Variants in COL21A1 observed in about 807,000 individuals in gnomAD.
COL21A1 encodes the protein collagen alpha-1(XXI) chain.
Under a neutral mutation model 137.9 loss-of-function variants are expected in COL21A1, and 149 were observed. That is an observed-to-expected ratio of 1.08 (90% CI 0.95 to 1.24). COL21A1 has a LOEUF of 1.24. COL21A1 is among the 50% of genes most tolerant of loss of function. The pLI, the probability that COL21A1 is intolerant of heterozygous loss-of-function variation, is 0.00. For missense variants in COL21A1, 1,167 were observed against 1,158.4 expected (o/e 1.01, Z -0.11); for synonymous variants, 456 against 391.5 (o/e 1.16, Z -1.95).
At chr6:56,339,052 C>A (rs1490719669) in intron 1 of COL21A1, among the ~76,000 whole-genome samples, 2 of 152,214 alleles carry the variant, frequency 1.3e-5, no homozygotes, top group Non-Finnish European at 2.9e-5. Flanking sequence ...TGAAGCATAG[C>A]ATATTACATA....
At chr6:56,381,319 G>T (rs902739753) in intron 1 of COL21A1, among the ~76,000 whole-genome samples, 3 of 152,098 alleles carry the variant, frequency 2.0e-5, no homozygotes, top group African/African-American at 7.2e-5. Context: ...ATGAATGAGT[G>T]GAATAGACAC....
chr6:56,104,896 T>C (rs964842556), intron 16 of COL21A1, among the ~76,000 whole-genome samples: 1 of 152,236 alleles, frequency 6.6e-6, no homozygotes, highest in Non-Finnish European at 1.5e-5. Flanking sequence ...AGTTTGCTTA[T>C]AGCAATCCTC....
intron 1 of COL21A1, among the ~76,000 whole-genome samples, chr6:56,208,799 A>G (rs930480457): frequency 1.3e-5 from 2 of 152,208 alleles, no homozygotes; most frequent in Non-Finnish European, 2.9e-5. Flanking sequence ...AGTAATCAAA[A>G]CATTATGGTA....
At chr6:56,325,841 T>TATAATATATATTATATGTTATAC (rs1405373038) in intron 1 of COL21A1, among the ~76,000 whole-genome samples, 1 of 922 alleles carries the variant, frequency 1.1e-3, no homozygotes, top group African/African-American at 1.1e-3. Flanking sequence ...ATACATATTA[T>TATAATATATATTATATGTTATAC]ATATAATATA....
intron 1 of COL21A1, among the ~76,000 whole-genome samples, chr6:56,375,235 A>C (rs893985424): frequency 1.3e-5 from 2 of 152,162 alleles, no homozygotes; most frequent in African/African-American, 4.8e-5. Context: ...CTGAGTCCCC[A>C]CAGGAGTCTG....
At chr6:56,082,867 C>A (rs1361227666) in intron 17 of COL21A1, among the ~76,000 whole-genome samples, 2 of 151,774 alleles carry the variant, frequency 1.3e-5, no homozygotes, top group African/African-American at 4.8e-5. Flanking sequence ...TTTATAACCT[C>A]ATATTTTTGA....
chr6:56,089,291 C>T (rs12194192), intron 17 of COL21A1, among the ~76,000 whole-genome samples: 23,122 of 152,050 alleles, frequency 0.15, 1,791 homozygotes, highest in Middle Eastern at 0.22. Context: ...AATATTGCAT[C>T]TTTACATTTG....
chr6:56,302,847 G>A (rs1338521094), intron 1 of COL21A1, among the ~76,000 whole-genome samples: 2 of 152,034 alleles, frequency 1.3e-5, no homozygotes, highest in Non-Finnish European at 2.9e-5. Flanking sequence ...TTCTTCTAGG[G>A]TTTTTATGGA....
At chr6:56,095,667 T>G (rs888922818) in intron 17 of COL21A1, among the ~76,000 whole-genome samples, 1 of 152,164 alleles carries the variant, frequency 6.6e-6, no homozygotes, top group Non-Finnish European at 1.5e-5. Flanking sequence ...GTATGCTTTC[T>G]TCTGCCTCTA....
chr6:56,351,669 C>A (rs1765713908), intron 1 of COL21A1, among the ~76,000 whole-genome samples: 1 of 152,216 alleles, frequency 6.6e-6, no homozygotes, highest in African/African-American at 2.4e-5. Context: ...ATTCCATGCT[C>A]ACATCCCAAA....
At chr6:56,356,238 C>T (rs939595830) in intron 1 of COL21A1, among the ~76,000 whole-genome samples, 3 of 152,126 alleles carry the variant, frequency 2.0e-5, no homozygotes, top group Non-Finnish European at 4.4e-5. Context: ...AGAAGAGATG[C>T]TATTTTGTAG....
rs893667507 is a variant in COL21A1, at chr6:56,182,644, G to A, written c.-26C>T. On this transcript the variant is annotated 5_prime_UTR_variant, in exon 2 of 30. Coordinates refer to ENST00000244728, the MANE Select transcript of COL21A1 (RefSeq NM_030820.4). Reference sequence around the variant, plus strand: ...GTTTCTGTTTTCGTTCTAATATTTTGGTTTTAGGATTCCTAGGGGGAAAAA... The same window carrying A: ...GTTTCTGTTTTCGTTCTAATATTTTAGTTTTAGGATTCCTAGGGGGAAAAA... 6.6e-7 allele frequency: 1 copy of A among 1,524,518 alleles called. No homozygotes were observed. The highest frequency in any genetic ancestry group is 9.0e-7 in the Non-Finnish European group (1 of 1,113,572). 94.4% of individuals were successfully genotyped at this position (1,524,518 alleles called of 1,614,324 possible).
At chr6:56,208,742 G>C (rs1779961875) in intron 1 of COL21A1, among the ~76,000 whole-genome samples, 1 of 152,142 alleles carries the variant, frequency 6.6e-6, no homozygotes, top group African/African-American at 2.4e-5. Flanking sequence ...AAAGAACAAA[G>C]CTGGAGGCAT....
chr6:56,335,909 T>G (rs569704399), intron 1 of COL21A1, among the ~76,000 whole-genome samples: 56 of 152,326 alleles, frequency 3.7e-4, no homozygotes, highest in Admixed American at 1.4e-3. Flanking sequence ...TGCATTATTT[T>G]AACTGTGAGA....
chr6:56,067,937 C>G (rs1056992622), intron 22 of COL21A1, among the ~76,000 whole-genome samples: 1 of 151,556 alleles, frequency 6.6e-6, no homozygotes, highest in Non-Finnish European at 1.5e-5. Context: ...AACTTGGACA[C>G]GGTTTCCAAA....
chr6:56,109,232 T>G (rs1476720667), intron 16 of COL21A1, among the ~76,000 whole-genome samples: 1 of 149,698 alleles, frequency 6.7e-6, no homozygotes, highest in Non-Finnish European at 1.5e-5. Flanking sequence ...TTTAATGAAG[T>G]CAAAAATCAA....
At chr6:56,129,640 C>CAT (rs1225411069) in intron 12 of COL21A1, among the ~76,000 whole-genome samples, 2 of 145,258 alleles carry the variant, frequency 1.4e-5, no homozygotes, top group Non-Finnish European at 3.0e-5. Flanking sequence ...CACGTGCGTG[C>CAT]GTGTGTGTGT....
At chr6:56,146,188 G>A (rs1481285640) in intron 10 of COL21A1, among the ~76,000 whole-genome samples, 1 of 152,036 alleles carries the variant, frequency 6.6e-6, no homozygotes, top group Non-Finnish European at 1.5e-5. Context: ...AATTTTGGAT[G>A]TCACCCTCCT....
intron 1 of COL21A1, among the ~76,000 whole-genome samples, chr6:56,384,732 G>C (rs780077351): frequency 1.3e-5 from 2 of 152,132 alleles, no homozygotes; most frequent in Non-Finnish European, 2.9e-5. Context: ...CACCAGCCTG[G>C]AGAGAAGACT....
Sources: gnomAD v4.1 joint callset for allele counts (sites outside exome capture counted in the v4.1 genomes callset) on GRCh38, gnomAD v4.1.1 for gene constraint, MANE v1.5 for transcripts, NCBI Gene and HGNC (gene_info 2026-07-23, HGNC 2026-07-21) for gene names.